TBX20: variants seen among roughly 807,000 people sequenced by gnomAD.
The protein encoded by TBX20 is T-box transcription factor 20.
In TBX20, 8 loss-of-function variants were observed where a neutral mutation model predicts 42.9. That is an observed-to-expected ratio of 0.19 (90% CI 0.11 to 0.34). TBX20 has a LOEUF of 0.34. Among genes scored for constraint, TBX20 ranks in the 10% least tolerant of loss-of-function variants. The probability of loss-of-function intolerance (pLI) is 1.00; values close to 1 mark genes in which losing one functional copy is unlikely to be tolerated. For missense variants in TBX20, 411 were observed against 566.0 expected, an observed-to-expected ratio of 0.73 and a Z score of 2.78; for synonymous variants, 198 against 222.8, an observed-to-expected ratio of 0.89 and a Z score of 0.99.
intron 3 of TBX20, among the ~76,000 whole-genome samples, chr7:35,245,551 A>G (rs1790167660): frequency 1.3e-5 from 2 of 152,218 alleles, no homozygotes; most frequent in Admixed American, 1.3e-4. Flanking sequence ...AAAGTTTTAA[A>G]GTTTGTGTTC....
At chr7:35,215,585 G>A (rs1022104937) in intron 6 of TBX20, among the ~76,000 whole-genome samples, 1 of 152,076 alleles carries the variant, frequency 6.6e-6, no homozygotes, top group Admixed American at 6.6e-5. Flanking sequence ...AGTTTTAGTA[G>A]ACTTAACTTT....
At chr7:35,226,786 CAAT>C (rs1051147063) in intron 6 of TBX20, among the ~76,000 whole-genome samples, 6 of 151,780 alleles carry the variant, frequency 4.0e-5, no homozygotes, top group Non-Finnish European at 7.4e-5. Flanking sequence ...TGATAATAAA[CAAT>C]GATGTTACTG....
rs552478808 is a variant in TBX20, at chr7:35,234,340, A to T, written c.814-2760T>A. Among the ~76,000 whole-genome samples, 69 of 152,334 alleles carry T rather than the reference A, an allele frequency of 4.5e-4. No individual in the cohort carries two copies. In the South Asian group the frequency reaches 9.5e-3, roughly 21 times the overall value. On this transcript the variant is annotated intron_variant, in intron 5 of 7. Coordinates refer to ENST00000408931, the MANE Select transcript of TBX20 (RefSeq NM_001077653.2). ...CAAAAGATAAAGACTATTGGCTCAT[A>T]ATATGATTGAGAAGTTATCTTAAAT...
intron 6 of TBX20, among the ~76,000 whole-genome samples, chr7:35,211,206 T>A (rs1229490489): frequency 2.6e-5 from 4 of 152,082 alleles, no homozygotes; most frequent in Admixed American, 2.6e-4. Context: ...AAACATTTTA[T>A]TTTTATATAA....
intron 7 of TBX20, among the ~76,000 whole-genome samples, chr7:35,203,789 A>G (rs1268383180): frequency 6.6e-6 from 1 of 152,232 alleles, no homozygotes; most frequent in African/African-American, 2.4e-5. Context: ...GAAATGTCCT[A>G]TGTTTTCACA....
chr7:35,243,811 G>A (rs1297049193), intron 4 of TBX20, among the ~76,000 whole-genome samples: 1 of 152,242 alleles, frequency 6.6e-6, no homozygotes, highest in African/African-American at 2.4e-5. Flanking sequence ...TATCCCAACA[G>A]CACCACCAGT....
chr7:35,225,268 A>C (rs1249513619), intron 6 of TBX20, among the ~76,000 whole-genome samples: 1 of 152,226 alleles, frequency 6.6e-6, no homozygotes, highest in Non-Finnish European at 1.5e-5. Context: ...TAAAAATGTA[A>C]TGTGAGTCAC....
intron 6 of TBX20, among the ~76,000 whole-genome samples, chr7:35,228,667 C>T (rs1414553847): frequency 1.3e-5 from 2 of 152,086 alleles, no homozygotes; most frequent in Admixed American, 1.3e-4. Flanking sequence ...CGCATGCCCC[C>T]AGAAAAGAAA....
At chr7:35,210,718 G>A (rs1301305519) in intron 6 of TBX20, among the ~76,000 whole-genome samples, 1 of 151,840 alleles carries the variant, frequency 6.6e-6, no homozygotes, top group African/African-American at 2.4e-5. Flanking sequence ...CAACTCTTAA[G>A]TTTTTCAAAA....
intron 7 of TBX20, among the ~76,000 whole-genome samples, chr7:35,204,023 T>A (rs925736653): frequency 2.6e-5 from 4 of 152,198 alleles, no homozygotes; most frequent in Non-Finnish European, 5.9e-5. Flanking sequence ...ATTAGGACAA[T>A]CCTCTTTTAA....
At chr7:35,220,947 C>T (rs1185366755) in intron 6 of TBX20, among the ~76,000 whole-genome samples, 1 of 152,070 alleles carries the variant, frequency 6.6e-6, no homozygotes, top group Non-Finnish European at 1.5e-5. Flanking sequence ...TTACAAATAA[C>T]ACAACAGAAA....
chr7:35,230,191 A>G (rs1437715218), intron 6 of TBX20, among the ~76,000 whole-genome samples: 2 of 152,174 alleles, frequency 1.3e-5, no homozygotes, highest in African/African-American at 2.4e-5. Flanking sequence ...GGCCCTCAGA[A>G]ACAGGAAATA....
chr7:35,228,789 T>C (rs1395079935), intron 6 of TBX20, among the ~76,000 whole-genome samples: 1 of 152,118 alleles, frequency 6.6e-6, no homozygotes, highest in South Asian at 2.1e-4. Flanking sequence ...GATATCCCTT[T>C]GGGCTTTTGG....
At position 35,236,429 on chromosome 7, in the gene TBX20, G is replaced by C. The variant is rs180848328; in HGVS notation, c.813+4450C>G. ...ATTATATGCTGCAGGATATATTATT[G>C]TATGCTATAGGAAACTTACTACACA... On this transcript the variant is annotated intron_variant, in intron 5 of 7. Coordinates refer to ENST00000408931, the MANE Select transcript of TBX20 (RefSeq NM_001077653.2). Among the ~76,000 whole-genome samples, 842 of 152,046 alleles carry C rather than the reference G, an allele frequency of 5.5e-3. 6 individuals carry two copies. Among genetic ancestry groups the C allele is most frequent in the African/African-American group, 0.019 (800 of 41,484 alleles).
rs1171898316 is a variant in TBX20 at position 35,202,707 on chromosome 7, A to G, written c.1067T>C (p.Phe356Ser). 3 of 1,600,574 alleles carry G rather than the reference A, an allele frequency of 1.9e-6. No homozygotes were observed. The highest frequency in any genetic ancestry group is 2.6e-6 in the Non-Finnish European group (3 of 1,173,374). ...GGACTGTGGGTGCTGAAACCCAGGA[A>G]AACTGGAAGAAGATGATACCCAGGA... ...LSSWVSSSSS[F>S]PGFQHPQSLT... Residue 356 changes from phenylalanine (F) to serine (S), a missense_variant, in exon 8 of 8, where the codon TTT becomes TCT. Physicochemically the swap from Phe to Ser is radical, Grantham distance 155. Around this residue, in one of 5 missense-constraint regions of TBX20, gnomAD observed 162 missense variants for 205.4 expected, o/e 0.79. Coordinates refer to ENST00000408931, the MANE Select transcript of TBX20 (RefSeq NM_001077653.2).
intron 6 of TBX20, among the ~76,000 whole-genome samples, chr7:35,227,152 G>A (rs1477512144): frequency 1.3e-5 from 2 of 151,436 alleles, no homozygotes; most frequent in Admixed American, 1.3e-4. Context: ...AAATGTTTTT[G>A]TACAGTTGTA....
chr7:35,233,167 T>C (rs1338733026), intron 5 of TBX20, among the ~76,000 whole-genome samples: 4 of 152,228 alleles, frequency 2.6e-5, no homozygotes. Context: ...TTTTCATGGT[T>C]TCTGAACACT....
rs569355143 is a variant in TBX20, at chr7:35,234,975, G to T, written c.814-3395C>A. Among the ~76,000 whole-genome samples the T allele has an allele frequency of 2.0e-5, 3 of 152,194 alleles. No homozygotes were observed. In the East Asian group the frequency reaches 5.8e-4, roughly 29 times the overall value. ...CTGTCACTAGACTCTGAATCTACTA[G>T]GGTGTCCACAATAAGAACCCCACAA... On this transcript the variant is annotated intron_variant, in intron 5 of 7. Coordinates refer to ENST00000408931, the MANE Select transcript of TBX20 (RefSeq NM_001077653.2).
At chr7:35,224,014 G>C (rs949390354) in intron 6 of TBX20, among the ~76,000 whole-genome samples, 1 of 152,206 alleles carries the variant, frequency 6.6e-6, no homozygotes, top group Admixed American at 6.5e-5. Context: ...TAAGATTAAA[G>C]TAGAACTTGA....
Sources: allele counts gnomAD v4.1 joint callset (sites outside exome capture counted in the v4.1 genomes callset), GRCh38; gene constraint gnomAD v4.1.1; regional missense constraint gnomAD v4.1.1; transcripts MANE v1.5; gene names NCBI Gene and HGNC (gene_info 2026-07-23, HGNC 2026-07-21).